HTT: variants seen among roughly 807,000 people sequenced by gnomAD.
HTT encodes the protein huntington disease protein.
In HTT, 104 loss-of-function variants were observed where a neutral mutation model predicts 362.3. The ratio of observed to expected loss-of-function variants is 0.29; its 90% CI spans 0.24 to 0.34. HTT has a LOEUF of 0.34. HTT is among the 10% of genes least tolerant of loss of function. The pLI, the probability that HTT is intolerant of heterozygous loss-of-function variation, is 1.00. For missense variants in HTT, 3,301 were observed against 3,928.6 expected, an observed-to-expected ratio of 0.84 and a Z score of 4.27; for synonymous variants, 1,577 against 1,548.7, an observed-to-expected ratio of 1.02 and a Z score of -0.43.
intron 29 of HTT, among the ~76,000 whole-genome samples, chr4:3,162,593 T>C (rs981886424): frequency 2.0e-5 from 3 of 152,220 alleles, no homozygotes; most frequent in Non-Finnish European, 4.4e-5. Context: ...TGTCCTCTCT[T>C]ATTTCCTTGA....
rs192047833 is a variant in HTT at position 3,200,640 on chromosome 4, G to A, written c.5576+701G>A. Among the ~76,000 whole-genome samples, 11 of 152,316 alleles carry A rather than the reference G, an allele frequency of 7.2e-5. No homozygotes were observed. The East Asian group carries it at 1.9e-3, about 27-fold the overall frequency. ...AGGGCAGGTGCTGCCGTGCCTCTCT[G>A]CTCAGTATGGATACTGGACCTTGTG... On this transcript the variant is annotated intron_variant, in intron 41 of 66. Transcript: ENST00000355072.
intron 1 of HTT, 101 bp from the exon 2 acceptor site, chr4:3,086,838 T>A (rs889473448): frequency 1.5e-6 from 1 of 671,026 alleles, no homozygotes; most frequent in Non-Finnish European, 2.7e-6. Context: ...GGTTTATTCA[T>A]AGTAGTCGAG....
At chr4:3,204,904 G>A (rs1719780910) in intron 42 of HTT, among the ~76,000 whole-genome samples, 1 of 152,178 alleles carries the variant, frequency 6.6e-6, no homozygotes, top group African/African-American at 2.4e-5. Context: ...GATTGCTTGA[G>A]CCCAGAAGTT....
intron 8 of HTT, among the ~76,000 whole-genome samples, chr4:3,120,695 G>A (rs530415496): frequency 5.9e-5 from 9 of 152,344 alleles, no homozygotes; most frequent in South Asian, 2.1e-4. Flanking sequence ...ATCTGAGGTG[G>A]AACAGTCTCG....
intron 37 of HTT, among the ~76,000 whole-genome samples, chr4:3,185,703 A>T (rs1718728925): frequency 6.6e-6 from 1 of 152,202 alleles, no homozygotes; most frequent in African/African-American, 2.4e-5. Flanking sequence ...GCTTGAGCTC[A>T]GGAGTTTGAG....
intron 42 of HTT, among the ~76,000 whole-genome samples, chr4:3,205,398 G>C (rs1259124135): frequency 3.3e-5 from 5 of 152,086 alleles, no homozygotes; most frequent in African/African-American, 7.2e-5. Flanking sequence ...TTATCCTAGA[G>C]ACTTTTTCTG....
At position 3,235,130 on chromosome 4, in the gene HTT, G is replaced by T. The variant is rs114398083; in HGVS notation, c.8457-154G>T. Among the ~76,000 whole-genome samples the T allele has an allele frequency of 5.2e-3, 795 of 152,262 alleles. 6 individuals carry two copies. The highest frequency in any genetic ancestry group is 0.018 in the African/African-American group (768 of 41,572). On this transcript the variant is annotated intron_variant, in intron 61 of 66. Coordinates refer to ENST00000355072, the MANE Select transcript of HTT (RefSeq NM_001388492.1). The stretch of plus-strand genomic sequence containing the variant: ...AGCAGAGGCTGAAGGGTCAGGCCAG[G>T]TTGCAGGGGCCTGGGGGAGCCACTC...
intron 6 of HTT, among the ~76,000 whole-genome samples, chr4:3,109,000 G>T (rs1714581714): frequency 1.3e-5 from 2 of 151,932 alleles, no homozygotes; most frequent in Middle Eastern, 6.8e-3. Flanking sequence ...GCTACACTGA[G>T]CTGTGATTGT....
chr4:3,206,035 T>G lies in HTT; in HGVS notation c.5719-461T>G, dbSNP rs1719838216. On this transcript the variant is annotated intron_variant, in intron 42 of 66. Coordinates refer to ENST00000355072, the MANE Select transcript of HTT (RefSeq NM_001388492.1). This position sits in a 1 kb window ranked among gnomAD's most constrained non-coding sequence, Gnocchi z 4.6. The stretch of plus-strand genomic sequence containing the variant: ...AACTGTGGCAGTGATAGGGGATTCT[T>G]TTTTTCCCACTGAACTATCACAAAA... Among the ~76,000 whole-genome samples the G allele has an allele frequency of 6.6e-6, 1 of 152,254 alleles. No individual in the cohort carries two copies.
chr4:3,181,418 C>G (rs1298406451), intron 36 of HTT, among the ~76,000 whole-genome samples: 1 of 152,114 alleles, frequency 6.6e-6, no homozygotes, highest in Non-Finnish European at 1.5e-5. Context: ...AGGTCTTTTT[C>G]TTTGAGCTGA....
intron 27 of HTT, among the ~76,000 whole-genome samples, chr4:3,156,193 C>T (rs574338524): frequency 6.6e-6 from 1 of 152,154 alleles, no homozygotes; most frequent in South Asian, 2.1e-4. Context: ...GATCTCATCT[C>T]ACTGCAACCT....
intron 1 of HTT, among the ~76,000 whole-genome samples, chr4:3,084,557 G>T (rs1354898746): frequency 6.6e-5 from 10 of 151,986 alleles, no homozygotes; most frequent in Non-Finnish European, 1.3e-4. Flanking sequence ...GGGCATGGTG[G>T]TGTGCACCTG....
chr4:3,092,469 A>C (rs1207933479), intron 2 of HTT, among the ~76,000 whole-genome samples: 1 of 152,176 alleles, frequency 6.6e-6, no homozygotes, highest in Non-Finnish European at 1.5e-5. Flanking sequence ...CTGCAGCCTG[A>C]ACTCCTGGGC....
At chr4:3,219,203 C>T (rs1720563637) in intron 52 of HTT, among the ~76,000 whole-genome samples, 1 of 152,114 alleles carries the variant, frequency 6.6e-6, no homozygotes, top group Non-Finnish European at 1.5e-5. Flanking sequence ...GCTCTCGGCC[C>T]CACTCTTGGT....
At chr4:3,105,145 AG>A (rs1190652632) in intron 4 of HTT, among the ~76,000 whole-genome samples, 2 of 152,242 alleles carry the variant, frequency 1.3e-5, no homozygotes, top group South Asian at 2.1e-4. Context: ...ACTCTTTATT[AG>A]ATGAGATGAG....
chr4:3,144,339 A>G (rs1383648294), intron 23 of HTT, among the ~76,000 whole-genome samples: 1 of 152,084 alleles, frequency 6.6e-6, no homozygotes, highest in Non-Finnish European at 1.5e-5. Flanking sequence ...ATTTTTTGAG[A>G]TGGAATCTCA....
At chr4:3,220,455 A>G (rs984264298) in intron 53 of HTT, 147 bp downstream of exon 53, 1 of 826,852 alleles carries the variant, frequency 1.2e-6, no homozygotes, top group Non-Finnish European at 1.9e-6. Flanking sequence ...TACATTTTGC[A>G]GTGTTGGCAA....
Position 3,229,894 on chromosome 4 carries a change from T to C in HTT, c.8117T>C (p.Val2706Ala). 6.2e-7 allele frequency: 1 copy of C among 1,614,118 alleles called. No individual in the cohort carries two copies. Among genetic ancestry groups the C allele is most frequent in the Non-Finnish European group, 8.5e-7 (1 of 1,179,950 alleles). Residue 2706 changes from valine (V) to alanine (A), a missense_variant, in exon 60 of 67, where the codon GTG becomes GCG. By Grantham distance (64) the Val-to-Ala change is moderately conservative. Around this residue, in one of 4 missense-constraint regions of HTT, gnomAD observed 753 missense variants for 1,021.3 expected, o/e 0.74. Coordinates refer to ENST00000355072, the MANE Select transcript of HTT (RefSeq NM_001388492.1). ...GGTTTTCCACATCTCCAGCTTCTAGTGGTCTCAGACTTGTTCACCGAGCGC... is the reference window on the plus strand; with the variant it reads ...GGTTTTCCACATCTCCAGCTTCTAGCGGTCTCAGACTTGTTCACCGAGCGC... ...LISEVVRSLL[V>A]VSDLFTERNQ...
intron 34 of HTT, 48 bp from the exon 35 acceptor site, chr4:3,178,250 G>GT (rs769152209): frequency 2.2e-5 from 29 of 1,339,476 alleles, no homozygotes; most frequent in South Asian, 1.2e-5. Context: ...ATATTGATAT[G>GT]TATCTTAATT....
Sources: allele counts gnomAD v4.1 joint callset (sites outside exome capture counted in the v4.1 genomes callset), GRCh38; gene constraint gnomAD v4.1.1; regional missense constraint gnomAD v4.1.1; non-coding constraint Gnocchi (gnomAD v3.1); transcripts MANE v1.5; gene names NCBI Gene and HGNC (gene_info 2026-07-23, HGNC 2026-07-21).